The following BTN2A1 variants were observed in gnomAD, a reference collection of about 807,000 sequenced individuals.
The protein encoded by BTN2A1 is butyrophilin subfamily 2 member A1, also known as butyrophilin, subfamily 2, member A1.
Under a neutral mutation model 34.5 loss-of-function variants are expected in BTN2A1, and 41 were observed. The observed-to-expected ratio is 1.19, with a 90% CI of 0.93 to 1.54. The LOEUF is 1.54. Among genes scored for constraint, BTN2A1 ranks in the 40% most tolerant of loss-of-function variants. The pLI is 0.00. For synonymous variants in BTN2A1, 267 were observed against 258.6 expected, an observed-to-expected ratio of 1.03 and a Z score of -0.31; for missense variants, 642 against 662.0, an observed-to-expected ratio of 0.97 and a Z score of 0.33.
chr6:26,472,230 G>A (rs1763464713), downstream of BTN2A1, among the ~76,000 whole-genome samples: 1 of 152,184 alleles, frequency 6.6e-6, no homozygotes, highest in South Asian at 2.1e-4. Flanking sequence ...GGGAGTGTAA[G>A]GGTCTACCAG....
intron 7 of BTN2A1, among the ~76,000 whole-genome samples, chr6:26,466,677 A>G (rs1323853510): frequency 6.6e-6 from 1 of 152,194 alleles, no homozygotes; most frequent in East Asian, 1.9e-4. Context: ...TTTTCATCTT[A>G]TGATTCAGCC....
At position 26,466,177 on chromosome 6, in the gene BTN2A1, A is replaced by T. The variant is rs1036167018; in HGVS notation, c.982+89A>T. 1.1e-4 allele frequency: 177 copies of T among 1,602,060 alleles called. 1 individual carries two copies. In the Middle Eastern group the frequency reaches 3.6e-3, roughly 32 times the overall value. On this transcript the variant is annotated intron_variant, in intron 7 of 7. Coordinates refer to ENST00000312541, the MANE Select transcript of BTN2A1 (RefSeq NM_007049.5). ...CTTAGAGGAGATGAGCAAGGGGCCC[A>T]GGGCAAGGTGGGGACAGCAGGGAAC... is the stretch of plus-strand genomic sequence containing the variant.
chr6:26,459,866 T>C (rs1763116290), intron 3 of BTN2A1, 38 bp downstream of exon 3: 1 of 1,569,876 alleles, frequency 6.4e-7, no homozygotes, highest in African/African-American at 1.4e-5. Flanking sequence ...TTTGGCACAG[T>C]GTGACTTTGG....
At position 26,458,095 on chromosome 6, in the gene BTN2A1, C is replaced by CTCGGTG; in HGVS notation, c.-78_-77insTCGGTG. 2 of 155,122 alleles carry CTCGGTG rather than the reference C, an allele frequency of 1.3e-5. No individual in the cohort carries two copies. Among genetic ancestry groups the CTCGGTG allele is most frequent in the East Asian group, 1.9e-4 (1 of 5,214 alleles). 9.6% of individuals were successfully genotyped at this position (155,122 alleles called of 1,614,324 possible). ...GAGAGAAGAGGGACGACTGGAGAAT[C>CTCGGTG]GTCGAGAACCAGCGGAGAAAAGAAA... is the stretch of plus-strand genomic sequence containing the variant. On this transcript the variant is annotated 5_prime_UTR_variant, in exon 1 of 8. Transcript: ENST00000312541.
downstream of BTN2A1, among the ~76,000 whole-genome samples, chr6:26,472,445 TGTA>T (rs1316391996): frequency 1.3e-5 from 2 of 152,210 alleles, no homozygotes; most frequent in African/African-American, 2.4e-5. Flanking sequence ...TTCAAACTGT[TGTA>T]GTATCATTTT....
chr6:26,463,437 C>G lies in BTN2A1; in HGVS notation c.624C>G (p.Ile208Met). Residue 208 changes from isoleucine to methionine, a missense_variant, in exon 4 of 8, where the codon ATC (isoleucine) becomes ATG (methionine). Transcript: ENST00000312541. ...DGLFMVTTAV[I>M]IRDKSVRNMS... is the part of the protein sequence containing the mutation. ...TCTTCATGGTCACCACGGCTGTGAT[C>G]ATCAGAGACAAGTCTGTGAGGAACA... 6.2e-7 allele frequency: 1 copy of G among 1,614,142 alleles called. No individual in the cohort carries two copies. Among genetic ancestry groups the G allele is most frequent in the East Asian group, 2.2e-5 (1 of 44,874 alleles).
rs3734541 is a variant in BTN2A1 at position 26,468,091 on chromosome 6, C to T, written c.1126C>T (p.Leu376=). ...PERFDSQPCV[L]GRESFASGKH... is the part of the protein sequence containing the mutation. ...GAGATTCGACAGTCAGCCTTGTGTC[C>T]TAGGCCGGGAGAGCTTCGCTTCAGG... Residue 376 remains leucine (L), a synonymous_variant, in exon 8 of 8, where the codon CTA becomes TTA. Coordinates refer to ENST00000312541, the MANE Select transcript of BTN2A1 (RefSeq NM_007049.5). 58,733 of 1,614,098 alleles carry T rather than the reference C, an allele frequency of 0.036. 7,078 individuals are homozygous for T. In the African/African-American group the frequency reaches 0.41, roughly 11 times the overall value.
At chr6:26,465,687 C>A in intron 5 of BTN2A1, 2 of 466,176 alleles carry the variant, frequency 4.3e-6, no homozygotes, top group Non-Finnish European at 5.6e-6. Context: ...TCTCTCAGAG[C>A]TTTCATTCTT....
rs190527250 is a variant in BTN2A1, at chr6:26,467,155, C to T, written c.983-793C>T. Among the ~76,000 whole-genome samples, 10 of 152,176 alleles carry T rather than the reference C, an allele frequency of 6.6e-5. No homozygotes were observed. In the East Asian group the frequency reaches 1.9e-3, roughly 29 times the overall value. ...GAACACATAGGACCAATGAAGAGACCCTTTATCCTCCAGGACAGTGTGAAG... is the reference window on the plus strand; with the variant it reads ...GAACACATAGGACCAATGAAGAGACTCTTTATCCTCCAGGACAGTGTGAAG... On this transcript the variant is annotated intron_variant, in intron 7 of 7. Transcript: ENST00000312541.
chr6:26,459,780 C>T lies in BTN2A1; in HGVS notation c.382C>T (p.Gln128Ter), dbSNP rs1369031776. 5.0e-6 allele frequency: 8 copies of T among 1,614,096 alleles called. No homozygotes were observed. In the South Asian group the frequency reaches 8.8e-5, roughly 18 times the overall value. Residue 128 changes from glutamine to a stop codon, truncating the protein, a stop_gained, in exon 3 of 8, where the codon CAA becomes TAA. Coordinates refer to ENST00000312541, the MANE Select transcript of BTN2A1 (RefSeq NM_007049.5). LOFTEE classifies it high-confidence loss of function. ...AAACGGCACCTACCGCTGTTACTTC[C>T]AAGAAGGCAGGTCCTACGATGAGGC... Reference protein sequence around the residue: ...QENGTYRCYFQEGRSYDEAIL... With the variant: ...QENGTYRCYF
chr6:26,471,571 C>G (rs908155933), downstream of BTN2A1, among the ~76,000 whole-genome samples: 1 of 151,898 alleles, frequency 6.6e-6, no homozygotes, highest in Non-Finnish European at 1.5e-5. Flanking sequence ...GTACTAAAAC[C>G]CAGAAGGTGG....
chr6:26,462,732 G>C, intron 3 of BTN2A1: 1 of 1,120,716 alleles, frequency 8.9e-7, no homozygotes, highest in Non-Finnish European at 1.2e-6. Flanking sequence ...AATGTCTTTG[G>C]ATCAAAAGGT....
chr6:26,461,065 G>C (rs776880977), intron 3 of BTN2A1, among the ~76,000 whole-genome samples: 1 of 152,198 alleles, frequency 6.6e-6, no homozygotes, highest in Non-Finnish European at 1.5e-5. Flanking sequence ...ATCATAACAG[G>C]TAGGAGACCC....
chr6:26,467,982 C>T lies in BTN2A1; in HGVS notation c.1017C>T (p.Pro339=), dbSNP rs372599690. ...DVVLDPDTAH[P]DLFLSEDRRS... ...TCCTGGATCCAGACACCGCTCATCCCGATCTCTTCCTGTCAGAGGACCGGA... is the reference window on the plus strand; with the variant it reads ...TCCTGGATCCAGACACCGCTCATCCTGATCTCTTCCTGTCAGAGGACCGGA... Residue 339 remains proline (P), a synonymous_variant, in exon 8 of 8, where the codon CCC becomes CCT. Transcript: ENST00000312541. 3.2e-5 allele frequency: 51 copies of T among 1,614,074 alleles called. No individual in the cohort carries two copies. Among genetic ancestry groups the T allele is most frequent in the South Asian group, 4.4e-5 (4 of 91,078 alleles).
rs1763277761 is a variant in BTN2A1 at position 26,465,232 on chromosome 6, A to G, written c.760A>G (p.Ile254Val). 1.9e-6 allele frequency: 3 copies of G among 1,614,180 alleles called. No individual in the cohort carries two copies. The highest frequency in any genetic ancestry group is 2.5e-6 in the Non-Finnish European group (3 of 1,180,020). Residue 254 changes from isoleucine to valine, a missense_variant, in exon 5 of 8, where the codon ATT (isoleucine) becomes GTT (valine). Coordinates refer to ENST00000312541, the MANE Select transcript of BTN2A1 (RefSeq NM_007049.5). ...TCCCTGTGCAGTGGCCCTGCCTATC[A>G]TTGTGGTTATTCTGATGATACCCAT... ...VSPCAVALPIIVVILMIPIAV... is the reference protein window; with the variant it reads ...VSPCAVALPIVVVILMIPIAV...
At chr6:26,460,255 G>C (rs190494317) in intron 3 of BTN2A1, among the ~76,000 whole-genome samples, 1 of 152,188 alleles carries the variant, frequency 6.6e-6, no homozygotes, top group East Asian at 1.9e-4. Flanking sequence ...CTGAGAGTGA[G>C]AGGAGACACT....
chr6:26,469,291 T>C lies in BTN2A1; in HGVS notation c.*742T>C. 1.0e-6 allele frequency: 1 copy of C among 993,348 alleles called. No homozygotes were observed. The highest frequency in any genetic ancestry group is 1.7e-5 in the African/African-American group (1 of 57,430). 61.5% of individuals were successfully genotyped at this position (993,348 alleles called of 1,614,324 possible). A position where few individuals can be genotyped will look rare whatever the true frequency, so the allele number is the denominator to read the frequency against. On this transcript the variant is annotated 3_prime_UTR_variant, in exon 8 of 8. Coordinates refer to ENST00000312541, the MANE Select transcript of BTN2A1 (RefSeq NM_007049.5). ...AGGTCCTGGCTGAGCCAAGGAGTAATGGACCAGATCTACCTCAGTATTCAA... is the reference window on the plus strand; with the variant it reads ...AGGTCCTGGCTGAGCCAAGGAGTAACGGACCAGATCTACCTCAGTATTCAA...
chr6:26,463,232 ATC>A lies in BTN2A1; in HGVS notation c.431-7_431-6del. Reference sequence around the variant, plus strand: ...CACTGACTTTTGCCTGAACCCTGATATCTCTCCACAGGACTAGGCTCTAAGCC... The same window carrying A: ...CACTGACTTTTGCCTGAACCCTGATATCTCCACAGGACTAGGCTCTAAGCC... On this transcript the variant is annotated splice_polypyrimidine_tract_variant and intron_variant, in intron 3 of 7. Coordinates refer to ENST00000312541, the MANE Select transcript of BTN2A1 (RefSeq NM_007049.5). 1.9e-6 allele frequency: 3 copies of A among 1,560,406 alleles called. No individual in the cohort carries two copies. The highest frequency in any genetic ancestry group is 2.6e-6 in the Non-Finnish European group (3 of 1,155,882).
chr6:26,463,751 G>T (rs1483626994), intron 4 of BTN2A1, among the ~76,000 whole-genome samples: 1 of 84,830 alleles, frequency 1.2e-5, no homozygotes, highest in African/African-American at 8.9e-5. Flanking sequence ...ACCTGTTTTT[G>T]TTGTTGTTGT....
Sources: allele counts gnomAD v4.1 joint callset (sites outside exome capture counted in the v4.1 genomes callset), GRCh38; gene constraint gnomAD v4.1.1; transcripts MANE v1.5; gene names NCBI Gene and HGNC (gene_info 2026-07-23, HGNC 2026-07-21).